HHAT: variants seen among roughly 807,000 people sequenced by gnomAD.
The protein encoded by HHAT is protein-cysteine N-palmitoyltransferase HHAT.
Under a neutral mutation model 70.8 loss-of-function variants are expected in HHAT, and 47 were observed. That is an observed-to-expected ratio of 0.66 (90% CI 0.53 to 0.85). HHAT has a LOEUF of 0.85. HHAT is among the 40% of genes least tolerant of loss of function. The probability of loss-of-function intolerance (pLI) is 0.00; values close to 1 mark genes in which losing one functional copy is unlikely to be tolerated. For synonymous variants in HHAT, 228 were observed against 247.6 expected (o/e 0.92, Z 0.74); for missense variants, 609 against 604.8 (o/e 1.01, Z -0.07).
chr1:210,600,112 AT>A, intron 10 of HHAT, among the ~76,000 whole-genome samples: 1 of 152,196 alleles, frequency 6.6e-6, no homozygotes, highest in East Asian at 1.9e-4. Flanking sequence ...CCATTTGATA[AT>A]TTATTTTGGG....
At chr1:210,653,157 G>A (rs879943068) in intron 11 of HHAT, among the ~76,000 whole-genome samples, 15 of 139,494 alleles carry the variant, frequency 1.1e-4, no homozygotes, top group Middle Eastern at 3.8e-3. Context: ...ATACATACAT[G>A]GGACAATTCC....
chr1:210,459,731 C>A (rs558407912), intron 7 of HHAT, among the ~76,000 whole-genome samples: 1 of 152,224 alleles, frequency 6.6e-6, no homozygotes, highest in African/African-American at 2.4e-5. Flanking sequence ...TCACCCTGTT[C>A]TACAGTTTTG....
chr1:210,349,464 T>C (rs1359016682), intron 2 of HHAT, among the ~76,000 whole-genome samples: 1 of 152,126 alleles, frequency 6.6e-6, no homozygotes, highest in African/African-American at 2.4e-5. Flanking sequence ...GTGTTGGAGA[T>C]AAATCATCAT....
chr1:210,604,245 A>T (rs1306426034), intron 10 of HHAT, among the ~76,000 whole-genome samples: 1 of 141,584 alleles, frequency 7.1e-6, no homozygotes. Context: ...AAGCCCAGCT[A>T]TTTTTTTTTT....
At chr1:210,489,272 C>T (rs1274968430) in intron 8 of HHAT, among the ~76,000 whole-genome samples, 2 of 151,952 alleles carry the variant, frequency 1.3e-5, no homozygotes, top group Non-Finnish European at 2.9e-5. Context: ...TAGTAGCGGG[C>T]GGGGATCAGG....
intron 10 of HHAT, among the ~76,000 whole-genome samples, chr1:210,593,149 T>A (rs575102497): frequency 6.6e-6 from 1 of 152,294 alleles, no homozygotes; most frequent in South Asian, 2.1e-4. Context: ...AACCAACTTT[T>A]CATTTCATTG....
chr1:210,391,861 C>T (rs1201130205), intron 4 of HHAT, among the ~76,000 whole-genome samples: 1 of 151,948 alleles, frequency 6.6e-6, no homozygotes, highest in Non-Finnish European at 1.5e-5. Context: ...GCCACCAGTG[C>T]TATGTGATTT....
chr1:210,489,602 G>A (rs1449093125), intron 8 of HHAT, among the ~76,000 whole-genome samples: 1 of 152,146 alleles, frequency 6.6e-6, no homozygotes, highest in Non-Finnish European at 1.5e-5. Context: ...TTTTGGTCAT[G>A]TTCTCTTCCT....
At chr1:210,475,741 C>T (rs1303601019) in intron 8 of HHAT, among the ~76,000 whole-genome samples, 1 of 151,994 alleles carries the variant, frequency 6.6e-6, no homozygotes. Flanking sequence ...GGGCGAATGG[C>T]GTATTCTTTT....
chr1:210,464,395 G>A, intron 7 of HHAT, 110 bp from the exon 8 acceptor site: 1 of 989,272 alleles, frequency 1.0e-6, no homozygotes, highest in South Asian at 1.5e-5. Flanking sequence ...AAGGGAGGAA[G>A]GGGTGTGGGG....
intron 7 of HHAT, among the ~76,000 whole-genome samples, chr1:210,432,247 G>A (rs2093267140): frequency 6.6e-6 from 1 of 151,776 alleles, no homozygotes; most frequent in African/African-American, 2.4e-5. Flanking sequence ...TGAAAAATGT[G>A]TAGAATGAGA....
At chr1:210,656,441 T>G (rs74156008) in intron 11 of HHAT, among the ~76,000 whole-genome samples, 2,533 of 152,176 alleles carry the variant, frequency 0.017, 73 homozygotes, top group African/African-American at 0.057. Flanking sequence ...GCCTCTTGTT[T>G]CCCATGTGGC....
At chr1:210,557,385 G>T (rs971757349) in intron 9 of HHAT, among the ~76,000 whole-genome samples, 1 of 152,160 alleles carries the variant, frequency 6.6e-6, no homozygotes, top group African/African-American at 2.4e-5. Context: ...GGTTTAGAGA[G>T]TTGAAATTTT....
chr1:210,540,057 A>C (rs2095412777), intron 9 of HHAT, among the ~76,000 whole-genome samples: 1 of 152,174 alleles, frequency 6.6e-6, no homozygotes, highest in South Asian at 2.1e-4. Flanking sequence ...TTAATACCTA[A>C]TTTCTGCCTA....
intron 10 of HHAT, among the ~76,000 whole-genome samples, chr1:210,619,841 T>C (rs1429255810): frequency 1.3e-5 from 2 of 152,234 alleles, no homozygotes; most frequent in Admixed American, 1.3e-4. Flanking sequence ...GAGCTCTCTT[T>C]TATCCTGATA....
chr1:210,399,758 A>C (rs896041937), intron 4 of HHAT, among the ~76,000 whole-genome samples: 12 of 152,222 alleles, frequency 7.9e-5, no homozygotes, highest in African/African-American at 2.9e-4. Context: ...ATGTTAATTC[A>C]TCTACTTATT....
chr1:210,428,880 A>G (rs1016220058), intron 7 of HHAT, among the ~76,000 whole-genome samples: 3 of 151,626 alleles, frequency 2.0e-5, no homozygotes, highest in Non-Finnish European at 2.9e-5. Flanking sequence ...GGAGGCTGAG[A>G]TGGGTGAATC....
chr1:210,460,159 G>A (rs1417682992), intron 7 of HHAT, among the ~76,000 whole-genome samples: 1 of 152,174 alleles, frequency 6.6e-6, no homozygotes, highest in Non-Finnish European at 1.5e-5. Flanking sequence ...GCCAATGGCA[G>A]ACCACCTTTG....
At chr1:210,413,652 C>T (rs779068315) in intron 6 of HHAT, among the ~76,000 whole-genome samples, 6 of 152,190 alleles carry the variant, frequency 3.9e-5, no homozygotes, top group Non-Finnish European at 8.8e-5. Flanking sequence ...ACAATTCAGC[C>T]AAGTTCTTTG....
Sources: gnomAD v4.1 joint callset for allele counts (sites outside exome capture counted in the v4.1 genomes callset) on GRCh38, gnomAD v4.1.1 for gene constraint, MANE v1.5 for transcripts, NCBI Gene and HGNC (gene_info 2026-07-23, HGNC 2026-07-21) for gene names.